Variants in PIGV observed in about 807,000 individuals in gnomAD.
The protein encoded by PIGV is phosphatidylinositol glycan anchor biosynthesis class V.
In PIGV, 27 loss-of-function variants were observed where a neutral mutation model predicts 39.2. That is an observed-to-expected ratio of 0.69 (90% CI 0.51 to 0.95). The LOEUF (loss-of-function observed/expected upper bound fraction) is 0.95. PIGV is among the 40% of genes least tolerant of loss of function. PIGV has a pLI of 0.00. For missense variants in PIGV, 523 were observed against 586.4 expected (o/e 0.89, Z 1.12); for synonymous variants, 232 against 241.7 (o/e 0.96, Z 0.37).
Position 26,797,136 on chromosome 1 carries a change from C to T in PIGV, c.1201-427C>T, listed in dbSNP as rs2081394189. 1.3e-5 allele frequency among the ~76,000 whole-genome samples: 2 copies of T among 152,154 alleles called. 1 individual carries two copies. The highest frequency in any genetic ancestry group is 4.1e-4 in the South Asian group (2 of 4,824). Reference sequence around the variant, plus strand: ...CCATTTGGAAACTTGTGTCTGAACTCCAATAGGAGAGAGAATGTTCAAGCA... The same window carrying T: ...CCATTTGGAAACTTGTGTCTGAACTTCAATAGGAGAGAGAATGTTCAAGCA... On this transcript the variant is annotated intron_variant, in intron 3 of 3. Transcript: ENST00000674202.
chr1:26,799,358 T>C lies in PIGV; in HGVS notation c.*1514T>C, dbSNP rs1242650715. On this transcript the variant is annotated 3_prime_UTR_variant, in exon 4 of 4. Coordinates refer to ENST00000674202, the MANE Select transcript of PIGV (RefSeq NM_017837.4). ...TGGCCCCCGTTTGGTCATGAGCCTA[T>C]CACTATAATGGTAGTAAGATCACTG... 6.6e-6 allele frequency among the ~76,000 whole-genome samples: 1 copy of C among 152,220 alleles called. No homozygotes were observed. The highest frequency in any genetic ancestry group is 2.4e-5 in the African/African-American group (1 of 41,460).
At position 26,800,203 on chromosome 1, in the gene PIGV, A is replaced by G. The variant is rs2081434751; in HGVS notation, c.*2359A>G. ...CCTTGCAGGGATTTAGTTGTTCTCT[A>G]AGGAGCTAAGGAATGGGCTGATTTT... is the stretch of plus-strand genomic sequence containing the variant. On this transcript the variant is annotated 3_prime_UTR_variant, in exon 4 of 4. Transcript: ENST00000674202. 6.6e-6 allele frequency among the ~76,000 whole-genome samples: 1 copy of G among 151,436 alleles called. No homozygotes were observed. Among genetic ancestry groups the G allele is most frequent in the African/African-American group, 2.4e-5 (1 of 41,398 alleles).
chr1:26,798,229 A>T lies in PIGV; in HGVS notation c.*385A>T, dbSNP rs754912311. 2.4e-4 allele frequency: 77 copies of T among 319,124 alleles called. No homozygotes were observed. Among genetic ancestry groups the T allele is most frequent in the Non-Finnish European group, 4.3e-4 (71 of 164,482 alleles). 19.8% of individuals were successfully genotyped at this position (319,124 alleles called of 1,614,324 possible). A position where few individuals can be genotyped will look rare whatever the true frequency, so the allele number is the denominator to read the frequency against. On this transcript the variant is annotated 3_prime_UTR_variant, in exon 4 of 4. Coordinates refer to ENST00000674202, the MANE Select transcript of PIGV (RefSeq NM_017837.4). Reference sequence around the variant, plus strand: ...AGGCATTAGCTGACAGGCTGGTAACAGTCCACACAAGATGGTATAGGCCTG... The same window carrying T: ...AGGCATTAGCTGACAGGCTGGTAACTGTCCACACAAGATGGTATAGGCCTG...
Position 26,790,794 on chromosome 1 carries a change from C to T in PIGV, c.-22C>T, listed in dbSNP as rs753898294. Reference sequence around the variant, plus strand: ...GAGCTCAATCCTGGTAGCAACACCCCTGAATTCCTGGTGGTGAAAGGATGT... The same window carrying T: ...GAGCTCAATCCTGGTAGCAACACCCTTGAATTCCTGGTGGTGAAAGGATGT... On this transcript the variant is annotated 5_prime_UTR_variant, in exon 2 of 4. Transcript: ENST00000674202. 1.9e-6 allele frequency: 3 copies of T among 1,609,240 alleles called. No individual in the cohort carries two copies. The African/African-American group carries it at 4.0e-5, about 22-fold the overall frequency.
rs566261770 is a variant in PIGV at position 26,799,662 on chromosome 1, A to G, written c.*1818A>G. On this transcript the variant is annotated 3_prime_UTR_variant, in exon 4 of 4. Coordinates refer to ENST00000674202, the MANE Select transcript of PIGV (RefSeq NM_017837.4). Reference sequence around the variant, plus strand: ...TTGGAGCTTCTGGTCAGCCTGGCCAATAAGCATTTCCCATCCATCGCCCCA... The same window carrying G: ...TTGGAGCTTCTGGTCAGCCTGGCCAGTAAGCATTTCCCATCCATCGCCCCA... Among the ~76,000 whole-genome samples the G allele has an allele frequency of 6.6e-6, 1 of 152,210 alleles. No individual in the cohort carries two copies. The highest frequency in any genetic ancestry group is 6.5e-5 in the Admixed American group (1 of 15,280).
rs2081431580 is a variant in PIGV at position 26,799,920 on chromosome 1, C to T, written c.*2076C>T. ...CTTGCGTGCAGGAAGTGTTGGGGTC[C>T]TGTTTCAGCTCTTTATTGCCGAGGT... On this transcript the variant is annotated 3_prime_UTR_variant, in exon 4 of 4. Transcript: ENST00000674202. 6.6e-6 allele frequency among the ~76,000 whole-genome samples: 1 copy of T among 152,126 alleles called. No individual in the cohort carries two copies. The highest frequency in any genetic ancestry group is 1.5e-5 in the Non-Finnish European group (1 of 68,020).
Position 26,794,425 on chromosome 1 carries a change from G to A in PIGV, c.391G>A (p.Ala131Thr). 1 of 1,614,202 alleles carries A rather than the reference G, an allele frequency of 6.2e-7. No homozygotes were observed. The highest frequency in any genetic ancestry group is 8.5e-7 in the Non-Finnish European group (1 of 1,180,008). ...SLNFLFFMLAAVALHDLGCLV... is the reference protein window; with the variant it reads ...SLNFLFFMLATVALHDLGCLV... Reference sequence around the variant, plus strand: ...CAATTTCTTGTTCTTCATGTTGGCTGCAGTTGCACTTCATGACCTGGGTTG... The same window carrying A: ...CAATTTCTTGTTCTTCATGTTGGCTACAGTTGCACTTCATGACCTGGGTTG... Residue 131 changes from alanine (A) to threonine (T), a missense_variant, in exon 3 of 4, where the codon GCA becomes ACA. Ala to Thr is a moderately conservative substitution (Grantham distance 58). Coordinates refer to ENST00000674202, the MANE Select transcript of PIGV (RefSeq NM_017837.4).
Position 26,794,694 on chromosome 1 carries a change from C to G in PIGV, c.660C>G (p.Gly220=), listed in dbSNP as rs1186239174. Residue 220 remains glycine (G), a synonymous_variant, in exon 3 of 4, where the codon GGC becomes GGG. Coordinates refer to ENST00000674202, the MANE Select transcript of PIGV (RefSeq NM_017837.4). ...TCCTCATGCATTCTCAATGCCAAGG[C>G]TTTTTCTCTTCTCTAACGATGCTGA... ...VGFLMHSQCQ[G]FFSSLTMLNP... 1 of 1,614,224 alleles carries G rather than the reference C, an allele frequency of 6.2e-7. No individual in the cohort carries two copies. Among genetic ancestry groups the G allele is most frequent in the Admixed American group, 1.7e-5 (1 of 60,014 alleles).
Position 26,800,554 on chromosome 1 carries a change from T to C in PIGV, c.*2710T>C, listed in dbSNP as rs1419668104. ...TATTGAATAGACCCTCTCACTGTCA[T>C]CTGAAAATGTAATATGTGCAGGCTC... On this transcript the variant is annotated 3_prime_UTR_variant, in exon 4 of 4. Coordinates refer to ENST00000674202, the MANE Select transcript of PIGV (RefSeq NM_017837.4). 4.6e-5 allele frequency among the ~76,000 whole-genome samples: 7 copies of C among 152,168 alleles called. No individual in the cohort carries two copies. Among genetic ancestry groups the C allele is most frequent in the Non-Finnish European group, 7.3e-5 (5 of 68,028 alleles).
At chr1:26,789,635 G>C (rs2081285527) in intron 1 of PIGV, among the ~76,000 whole-genome samples, 1 of 152,160 alleles carries the variant, frequency 6.6e-6, no homozygotes, top group Non-Finnish European at 1.5e-5. Flanking sequence ...ACTTAAATAA[G>C]CAATAGCAAT....
intron 1 of PIGV, among the ~76,000 whole-genome samples, chr1:26,789,753 G>A (rs1570634401): frequency 6.6e-6 from 1 of 152,166 alleles, no homozygotes; most frequent in Non-Finnish European, 1.5e-5. Context: ...CCAGATAAGA[G>A]AAGAAAAAGA....
At position 26,798,020 on chromosome 1, in the gene PIGV, T is replaced by C. The variant is rs1290594366; in HGVS notation, c.*176T>C. 3 of 667,416 alleles carry C rather than the reference T, an allele frequency of 4.5e-6. No individual in the cohort carries two copies. The highest frequency in any genetic ancestry group is 3.6e-5 in the African/African-American group (2 of 55,422). The allele number at this position is 667,416 out of a possible 1,614,324, so 41.3% of individuals were successfully genotyped here. ...GAAGTGTCAGACACTAGAGAGCCCC[T>C]TCTGGTCCTGGCTAGGGCAAATTTT... On this transcript the variant is annotated 3_prime_UTR_variant, in exon 4 of 4. Coordinates refer to ENST00000674202, the MANE Select transcript of PIGV (RefSeq NM_017837.4).
At chr1:26,791,668 T>C (rs1020241520) in intron 2 of PIGV, among the ~76,000 whole-genome samples, 42 of 152,172 alleles carry the variant, frequency 2.8e-4, no homozygotes, top group African/African-American at 1.0e-3. Context: ...GTGGAAACTT[T>C]CCTCTCTCCT....
upstream of PIGV, chr1:26,787,628 C>G (rs2081252547): frequency 6.6e-6 from 1 of 152,310 alleles, no homozygotes; most frequent in African/African-American, 2.4e-5. Context: ...GAAGAGGCTG[C>G]GGGTCAGCCT....
intron 3 of PIGV, among the ~76,000 whole-genome samples, chr1:26,796,345 T>C (rs2081384328): frequency 6.6e-6 from 1 of 152,036 alleles, no homozygotes; most frequent in African/African-American, 2.4e-5. Flanking sequence ...ATTTTTTGTA[T>C]TTTTAGTAGA....
At chr1:26,795,540 G>A (rs2081370287) in intron 3 of PIGV, among the ~76,000 whole-genome samples, 1 of 151,738 alleles carries the variant, frequency 6.6e-6, no homozygotes, top group African/African-American at 2.4e-5. Context: ...TTGAAACCTT[G>A]TCTCTACTGA....
At chr1:26,792,132 GCTGATGAT>G (rs1439419540) in intron 2 of PIGV, among the ~76,000 whole-genome samples, 2 of 152,084 alleles carry the variant, frequency 1.3e-5, no homozygotes, top group African/African-American at 4.8e-5. Flanking sequence ...CTCTTAAGTA[GCTGATGAT>G]CTAATAGGGC....
intron 2 of PIGV, among the ~76,000 whole-genome samples, chr1:26,791,291 T>C (rs1276753281): frequency 1.5e-4 from 23 of 152,152 alleles, no homozygotes; most frequent in Non-Finnish European, 2.9e-5. Context: ...GACTGAGCAT[T>C]GTGTCAGTTG....
chr1:26,793,918 T>TA (rs1557627798), intron 2 of PIGV, among the ~76,000 whole-genome samples, 195 bp from the exon 3 acceptor site: 1 of 151,954 alleles, frequency 6.6e-6, no homozygotes, highest in East Asian at 1.9e-4. Flanking sequence ...CTTTTTTTTT[T>TA]AGTTTTTATA....
Sources: gnomAD v4.1 joint callset for allele counts (sites outside exome capture counted in the v4.1 genomes callset) on GRCh38, gnomAD v4.1.1 for gene constraint, MANE v1.5 for transcripts, NCBI Gene and HGNC (gene_info 2026-07-23, HGNC 2026-07-21) for gene names.